The following BCAS4 variants were observed in gnomAD, a reference collection of about 807,000 sequenced individuals.
The protein encoded by BCAS4 is breast carcinoma-amplified sequence 4.
A neutral mutation model predicts 15.7 loss-of-function variants in BCAS4; 9 were observed. The ratio of observed to expected loss-of-function variants is 0.57; its 90% CI spans 0.34 to 1.00. The LOEUF (loss-of-function observed/expected upper bound fraction) is 1.00. Ranked by LOEUF, BCAS4 falls within the 50% of genes least tolerant of loss-of-function variation. The pLI, the probability that BCAS4 is intolerant of heterozygous loss-of-function variation, is 0.02. For synonymous variants in BCAS4, 101 were observed against 99.5 expected (o/e 1.02, Z -0.09); for missense variants, 225 against 239.1 (o/e 0.94, Z 0.39).
At chr20:50,867,417 G>A (rs1979413791) in intron 4 of BCAS4, among the ~76,000 whole-genome samples, 1 of 152,276 alleles carries the variant, frequency 6.6e-6, no homozygotes, top group East Asian at 1.9e-4. Context: ...CAAGATCATG[G>A]CTCACTGCAG....
chr20:50,821,252 A>T (rs180693053), intron 2 of BCAS4, among the ~76,000 whole-genome samples: 33 of 152,384 alleles, frequency 2.2e-4, no homozygotes, highest in Admixed American at 2.0e-3. Context: ...GAAATGGAAG[A>T]GAACATGCAT....
In BCAS4 at chr20:50,876,587, C is replaced by G; in HGVS notation, c.501C>G (p.Arg167=). The change falls in exon 5 of 5, where the codon CGC becomes CGG. Residue 167 remains arginine, a synonymous_variant. Transcript: ENST00000371608. ...CCGGGGAAGCACAGCACCACCCCCG[C>G]ACCTGCCCTCGGCCTTTGTGAGCTT... The part of the protein sequence containing the change: ...VDAGEAQHHP[R]TCPRPL The G allele has an allele frequency of 6.2e-7, 1 of 1,614,136 alleles. No individual in the cohort carries two copies. The highest frequency in any genetic ancestry group is 1.7e-4 in the Middle Eastern group (1 of 6,060).
chr20:50,841,252 C>T (rs1003253712), intron 3 of BCAS4, among the ~76,000 whole-genome samples: 3 of 152,192 alleles, frequency 2.0e-5, no homozygotes, highest in Non-Finnish European at 1.5e-5. Flanking sequence ...TTGTTTCCTG[C>T]CAGGCCCTTG....
intron 3 of BCAS4, among the ~76,000 whole-genome samples, chr20:50,831,165 A>G (rs2088338963): frequency 6.6e-6 from 1 of 152,120 alleles, no homozygotes; most frequent in Non-Finnish European, 1.5e-5. Flanking sequence ...GCAGTGGCTC[A>G]CACCTGTAAT....
chr20:50,882,295 C>T, the BCAS4 span: 2 of 152,214 alleles, frequency 1.3e-5, no homozygotes, highest in Non-Finnish European at 2.9e-5. Flanking sequence ...CAAGGTTAGT[C>T]ACTGCACAGT....
rs924128505 is a variant in BCAS4 at position 50,795,105 on chromosome 20, C to G, written c.22C>G (p.Gln8Glu). The G allele has an allele frequency of 1.3e-6, 2 of 1,497,174 alleles. No homozygotes were observed. Among genetic ancestry groups the G allele is most frequent in the Non-Finnish European group, 1.8e-6 (2 of 1,123,042 alleles). 92.7% of individuals were successfully genotyped at this position (1,497,174 alleles called of 1,614,324 possible). MLLVDADQPEPMRSGARE... is the reference protein window; with the variant it reads MLLVDADEPEPMRSGARE... ...CCTGATGCTGCTCGTGGACGCTGAT[C>G]AGCCGGAGCCCATGCGCAGCGGGGC... Residue 8 changes from glutamine (Q) to glutamate (E), a missense_variant, in exon 1 of 5, where the codon CAG becomes GAG. Physicochemically the swap from Gln to Glu is conservative, Grantham distance 29. Coordinates refer to ENST00000371608, the MANE Select transcript of BCAS4 (RefSeq NM_198799.4).
At position 50,876,799 on chromosome 20, in the gene BCAS4, C is replaced by A; in HGVS notation, c.*191C>A. On this transcript the variant is annotated 3_prime_UTR_variant, in exon 5 of 5. Transcript: ENST00000371608. The stretch of plus-strand genomic sequence containing the variant: ...GCTCAAGTGATCCACCCACCTTGGC[C>A]TTCCAAAGTGGTGGGATTATGGGCA... 3.0e-6 allele frequency: 2 copies of A among 673,182 alleles called. No individual in the cohort carries two copies. The highest frequency in any genetic ancestry group is 3.8e-5 in the South Asian group (1 of 26,614). The allele number at this position is 673,182 out of a possible 1,614,324, so 41.7% of individuals were successfully genotyped here. A position where few individuals can be genotyped will look rare whatever the true frequency, so the allele number is the denominator to read the frequency against.
intron 3 of BCAS4, 100 bp downstream of exon 3, chr20:50,830,480 T>C: frequency 1.1e-6 from 1 of 911,660 alleles, no homozygotes. Context: ...TCAGGCATTA[T>C]GCCCAATGCA....
At chr20:50,823,323 G>C (rs954236025) in intron 2 of BCAS4, among the ~76,000 whole-genome samples, 1 of 151,970 alleles carries the variant, frequency 6.6e-6, no homozygotes, top group East Asian at 1.9e-4. Flanking sequence ...CTCGGTGACA[G>C]AGTGAGACTC....
Position 50,795,295 on chromosome 20 carries a change from C to T in BCAS4, c.90+122C>T, listed in dbSNP as rs1236161850. 4.2e-6 allele frequency: 4 copies of T among 948,122 alleles called. No homozygotes were observed. In the African/African-American group the frequency reaches 6.8e-5, roughly 16 times the overall value. The allele number at this position is 948,122 out of a possible 1,614,324, so 58.7% of individuals were successfully genotyped here. ...GGAGTGGGGGGCCCGGGGATTCCCC[C>T]CTTCCTGAAGGGTGGCTGCGGGGCG... On this transcript the variant is annotated intron_variant, in intron 1 of 4. Coordinates refer to ENST00000371608, the MANE Select transcript of BCAS4 (RefSeq NM_198799.4).
chr20:50,813,674 C>T (rs1485572127), intron 1 of BCAS4, among the ~76,000 whole-genome samples: 2 of 82,392 alleles, frequency 2.4e-5, no homozygotes, highest in Non-Finnish European at 2.1e-5. Context: ...GGTGGAGGAC[C>T]TTTTTTTTTT....
Position 50,876,812 on chromosome 20 carries a change from G to T in BCAS4, c.*204G>T. 1 of 556,540 alleles carries T rather than the reference G, an allele frequency of 1.8e-6. No homozygotes were observed. Among genetic ancestry groups the T allele is most frequent in the East Asian group, 4.5e-5 (1 of 22,338 alleles). 34.5% of individuals were successfully genotyped at this position (556,540 alleles called of 1,614,324 possible). On this transcript the variant is annotated 3_prime_UTR_variant, in exon 5 of 5. Coordinates refer to ENST00000371608, the MANE Select transcript of BCAS4 (RefSeq NM_198799.4). The stretch of plus-strand genomic sequence containing the variant: ...ACCCACCTTGGCCTTCCAAAGTGGT[G>T]GGATTATGGGCAGGAGCCTCCGTGC...
intron 2 of BCAS4, among the ~76,000 whole-genome samples, chr20:50,829,495 G>A (rs965406254): frequency 1.1e-4 from 16 of 152,084 alleles, no homozygotes; most frequent in Admixed American, 3.9e-4. Flanking sequence ...CACCTACCTC[G>A]GCCTCCCAAA....
At chr20:50,817,906 G>A (rs376411725) in intron 1 of BCAS4, among the ~76,000 whole-genome samples, 2 of 152,098 alleles carry the variant, frequency 1.3e-5, no homozygotes, top group Middle Eastern at 3.4e-3. Context: ...CTGAGCCTCC[G>A]TGTCCTCATC....
chr20:50,818,183 A>G (rs1223050752), intron 1 of BCAS4, 28 bp from the exon 2 acceptor site: 1 of 1,609,038 alleles, frequency 6.2e-7, no homozygotes, highest in Admixed American at 1.7e-5. Context: ...ACCACTTGCT[A>G]ATCTCCAGGA....
At chr20:50,856,660 G>A (rs1180014706) in intron 4 of BCAS4, among the ~76,000 whole-genome samples, 3 of 152,224 alleles carry the variant, frequency 2.0e-5, no homozygotes, top group Admixed American at 6.5e-5. Flanking sequence ...CCCTGGAAGT[G>A]TGTGCATTGG....
chr20:50,868,280 T>C (rs1291813284), intron 4 of BCAS4, among the ~76,000 whole-genome samples: 4 of 152,188 alleles, frequency 2.6e-5, no homozygotes, highest in Non-Finnish European at 5.9e-5. Flanking sequence ...TGAAAGCAGG[T>C]CACTAAGTGC....
At chr20:50,839,025 T>TGGCA (rs2088444200) in intron 3 of BCAS4, among the ~76,000 whole-genome samples, 1 of 152,078 alleles carries the variant, frequency 6.6e-6, no homozygotes, top group African/African-American at 2.4e-5. Context: ...TAGGGCTAGA[T>TGGCA]GGCAGGAGGC....
chr20:50,861,316 A>G (rs1307590582), intron 4 of BCAS4, among the ~76,000 whole-genome samples: 2 of 152,194 alleles, frequency 1.3e-5, no homozygotes, highest in Non-Finnish European at 2.9e-5. Context: ...ACTAGGAAGC[A>G]GGCTCGGGAT....
Sources: allele counts gnomAD v4.1 joint callset (sites outside exome capture counted in the v4.1 genomes callset), GRCh38; gene constraint gnomAD v4.1.1; transcripts MANE v1.5; gene names NCBI Gene and HGNC (gene_info 2026-07-23, HGNC 2026-07-21).